LHFPL2: variants seen among roughly 807,000 people sequenced by gnomAD.
LHFPL2 encodes the protein LHFPL tetraspan subfamily member 2 protein.
LHFPL2 carries 7 observed loss-of-function variants against 17.5 expected under a neutral mutation model. The ratio of observed to expected loss-of-function variants is 0.40; its 90% CI spans 0.23 to 0.75. The LOEUF is 0.75. Ranked by LOEUF, LHFPL2 falls within the 30% of genes least tolerant of loss-of-function variation. LHFPL2 has a pLI of 0.37. For synonymous variants in LHFPL2, 134 were observed against 116.2 expected, an observed-to-expected ratio of 1.15 and a Z score of -0.99; for missense variants, 241 against 294.8, an observed-to-expected ratio of 0.82 and a Z score of 1.34.
At chr5:78,640,753 G>GGT (rs1469615638) in intron 1 of LHFPL2, among the ~76,000 whole-genome samples, 5 of 152,196 alleles carry the variant, frequency 3.3e-5, no homozygotes, top group Admixed American at 2.6e-4. Context: ...GCAAGGATGA[G>GGT]GTGAGGTGTT....
intron 3 of LHFPL2, among the ~76,000 whole-genome samples, chr5:78,523,111 GGTGTGTGTGTGTGT>G (rs57180798): frequency 2.0e-5 from 3 of 149,626 alleles, no homozygotes; most frequent in Admixed American, 6.7e-5. Context: ...GTGTGTCTGT[GGTGTGTGTGTGTGT>G]GTGTGTGTGT....
chr5:78,620,426 G>A (rs551357533), intron 2 of LHFPL2, among the ~76,000 whole-genome samples: 36 of 152,144 alleles, frequency 2.4e-4, no homozygotes, highest in African/African-American at 7.7e-4. Flanking sequence ...GAAAGGCGAC[G>A]ATGATCTATG....
Position 78,488,238 on chromosome 5 carries a change from T to TTATA in LHFPL2, c.*658_*659insTATA, listed in dbSNP as rs1301326132. On this transcript the variant is annotated 3_prime_UTR_variant, in exon 5 of 5. Transcript: ENST00000380345. The stretch of plus-strand genomic sequence containing the variant: ...TCTCATATGATTGTATAGGTCCTTA[T>TTATA]TGTTTCTTTACTCAAATTTCTAAAA... The TTATA allele has an allele frequency of 6.5e-6, 1 of 153,324 alleles. No individual in the cohort carries two copies. The highest frequency in any genetic ancestry group is 1.5e-5 in the Non-Finnish European group (1 of 68,840). The allele number at this position is 153,324 out of a possible 1,614,324, so 9.5% of individuals were successfully genotyped here. A position where few individuals can be genotyped will look rare whatever the true frequency, so the allele number is the denominator to read the frequency against.
chr5:78,572,018 G>A (rs1757011435), intron 2 of LHFPL2, among the ~76,000 whole-genome samples: 1 of 152,194 alleles, frequency 6.6e-6, no homozygotes, highest in African/African-American at 2.4e-5. Flanking sequence ...CGCGTGGGCA[G>A]ATGATAATGT....
intron 2 of LHFPL2, among the ~76,000 whole-genome samples, chr5:78,595,552 A>C (rs1743793738): frequency 6.6e-6 from 1 of 152,172 alleles, no homozygotes; most frequent in Non-Finnish European, 1.5e-5. Flanking sequence ...TCACTCTGTC[A>C]CCCAAGGTAA....
intron 2 of LHFPL2, among the ~76,000 whole-genome samples, chr5:78,580,661 T>C (rs994044158): frequency 6.6e-6 from 1 of 152,160 alleles, no homozygotes; most frequent in Admixed American, 6.5e-5. Flanking sequence ...GTTGGAGATA[T>C]GCGGCGTTCT....
intron 2 of LHFPL2, among the ~76,000 whole-genome samples, chr5:78,573,914 T>C (rs1468295902): frequency 1.3e-5 from 2 of 152,188 alleles, no homozygotes. Flanking sequence ...TTTTGTATAA[T>C]AGGAATGAAC....
At chr5:78,503,871 G>A (rs1168568050) in intron 4 of LHFPL2, among the ~76,000 whole-genome samples, 1 of 152,042 alleles carries the variant, frequency 6.6e-6, no homozygotes, top group East Asian at 1.9e-4. Flanking sequence ...TACAGTTTGT[G>A]AAATGATGAC....
intron 3 of LHFPL2, among the ~76,000 whole-genome samples, chr5:78,560,256 G>A (rs1178767208): frequency 6.6e-6 from 1 of 152,250 alleles, no homozygotes. Context: ...GCATCAATGT[G>A]AAACAAACAT....
chr5:78,511,058 G>C (rs1173562120), intron 3 of LHFPL2, among the ~76,000 whole-genome samples: 4 of 151,898 alleles, frequency 2.6e-5, no homozygotes, highest in African/African-American at 9.7e-5. Context: ...ATTTTTCACA[G>C]GGTGATTTTT....
chr5:78,641,577 T>C (rs1314119769), intron 1 of LHFPL2, among the ~76,000 whole-genome samples: 2 of 152,142 alleles, frequency 1.3e-5, no homozygotes, highest in East Asian at 1.9e-4. Context: ...AAGTCTTAAA[T>C]AAAGTTTGAC....
rs558870917 is a variant in LHFPL2, at chr5:78,540,157, A to G, written c.-186+24656T>C. On this transcript the variant is annotated intron_variant, in intron 3 of 4. Coordinates refer to ENST00000380345, the MANE Select transcript of LHFPL2 (RefSeq NM_005779.3). The stretch of plus-strand genomic sequence containing the variant: ...CTAAGCAATGTAATCAACAAAATAC[A>G]TACTATGCCCATCAATACCCACTGC... Among the ~76,000 whole-genome samples, 6 of 152,380 alleles carry G rather than the reference A, an allele frequency of 3.9e-5. No homozygotes were observed. The South Asian group carries it at 1.2e-3, about 32-fold the overall frequency.
chr5:78,528,886 G>A (rs903298316), intron 3 of LHFPL2, among the ~76,000 whole-genome samples: 5 of 152,146 alleles, frequency 3.3e-5, no homozygotes, highest in South Asian at 2.1e-4. Flanking sequence ...ACCAAGATAC[G>A]TCTATTTTAA....
chr5:78,524,220 C>T (rs1487166144), intron 3 of LHFPL2, among the ~76,000 whole-genome samples: 1 of 152,228 alleles, frequency 6.6e-6, no homozygotes, highest in African/African-American at 2.4e-5. Context: ...CTCGGCCTCA[C>T]AGCCTTTTCC....
At chr5:78,515,329 C>T (rs72634001) in intron 3 of LHFPL2, among the ~76,000 whole-genome samples, 2 of 54,338 alleles carry the variant, frequency 3.7e-5, no homozygotes, top group Non-Finnish European at 6.9e-5. Flanking sequence ...AGTTGTCCTA[C>T]AAAATACTTG....
At chr5:78,561,760 A>T (rs1373819632) in intron 3 of LHFPL2, among the ~76,000 whole-genome samples, 1 of 152,206 alleles carries the variant, frequency 6.6e-6, no homozygotes, top group Non-Finnish European at 1.5e-5. Flanking sequence ...ATTTACTCTC[A>T]GAGAAATCAG....
chr5:78,522,375 T>C (rs1755483607), intron 3 of LHFPL2, among the ~76,000 whole-genome samples: 1 of 152,104 alleles, frequency 6.6e-6, no homozygotes, highest in Non-Finnish European at 1.5e-5. Context: ...GAGGCTGAGG[T>C]TGCAGTGAGC....
In LHFPL2 at chr5:78,501,073, G is replaced by A. The variant is rs117809724; in HGVS notation, c.430+8711C>T. Among the ~76,000 whole-genome samples the A allele has an allele frequency of 3.3e-5, 5 of 152,242 alleles. No individual in the cohort carries two copies. In the East Asian group the frequency reaches 9.6e-4, roughly 29 times the overall value. Reference sequence around the variant, plus strand: ...ACTAGAGGTATAACTGAAAAGACACGTCACACCCTTGTGGGACTTCCTTAT... The same window carrying A: ...ACTAGAGGTATAACTGAAAAGACACATCACACCCTTGTGGGACTTCCTTAT... On this transcript the variant is annotated intron_variant, in intron 4 of 4. Coordinates refer to ENST00000380345, the MANE Select transcript of LHFPL2 (RefSeq NM_005779.3).
chr5:78,584,006 T>G (rs920076313), intron 2 of LHFPL2, among the ~76,000 whole-genome samples: 4 of 152,172 alleles, frequency 2.6e-5, no homozygotes, highest in Non-Finnish European at 5.9e-5. Context: ...TTCTCTAAAC[T>G]TCCCTTCTCA....
Sources: gnomAD v4.1 joint callset for allele counts (sites outside exome capture counted in the v4.1 genomes callset) on GRCh38, gnomAD v4.1.1 for gene constraint, MANE v1.5 for transcripts, NCBI Gene and HGNC (gene_info 2026-07-23, HGNC 2026-07-21) for gene names.